Variants in PIK3R6 observed in about 807,000 individuals in gnomAD.
PIK3R6 encodes phosphoinositide-3-kinase regulatory subunit 6, also known as phosphoinositide 3-kinase regulatory subunit 6.
In PIK3R6, 91 loss-of-function variants were observed where a neutral mutation model predicts 84.9. The observed-to-expected ratio is 1.07, with a 90% CI of 0.90 to 1.28. The LOEUF is 1.28. Among genes scored for constraint, PIK3R6 ranks in the 50% most tolerant of loss-of-function variants. The pLI is 0.00. For synonymous variants in PIK3R6, 416 were observed against 411.4 expected, an observed-to-expected ratio of 1.01 and a Z score of -0.13; for missense variants, 996 against 985.1, an observed-to-expected ratio of 1.01 and a Z score of -0.15.
chr17:8,830,545 C>T (rs1156637140), intron 9 of PIK3R6, among the ~76,000 whole-genome samples: 1 of 152,174 alleles, frequency 6.6e-6, no homozygotes, highest in Non-Finnish European at 1.5e-5. Context: ...CACTGAGCAC[C>T]TACTGCCTGC....
chr17:8,821,870 C>T lies in PIK3R6; in HGVS notation c.1855G>A (p.Ala619Thr). The change falls in exon 17 of 20, where the codon GCC becomes ACC. Residue 619 changes from alanine to threonine, a missense_variant. Physicochemically the swap from Ala to Thr is moderately conservative, Grantham distance 58. Coordinates refer to ENST00000619866, the MANE Select transcript of PIK3R6 (RefSeq NM_001010855.4). The stretch of plus-strand genomic sequence containing the variant: ...CCTTCTGTGTCGCTGGCTGGAATGG[C>T]CTTCAGGATCAGCCCAGTGGCCCGC... ...SLRATGLILK[A>T]IPASDTEVSG... 3 of 1,597,056 alleles carry T rather than the reference C, an allele frequency of 1.9e-6. No homozygotes were observed. The highest frequency in any genetic ancestry group is 2.6e-6 in the Non-Finnish European group (3 of 1,171,664).
At chr17:8,829,105 A>G in intron 10 of PIK3R6, 115 bp from the exon 11 acceptor site, 1 of 1,004,032 alleles carries the variant, frequency 1.0e-6, no homozygotes, top group Non-Finnish European at 1.4e-6. Flanking sequence ...ACAGACACAT[A>G]AAGACACACA....
chr17:8,832,745 G>T, intron 9 of PIK3R6, 144 bp downstream of exon 9: 1 of 1,264,736 alleles, frequency 7.9e-7, no homozygotes, highest in Non-Finnish European at 1.1e-6. Context: ...AAACCCCCAG[G>T]CTGCCCCCAG....
chr17:8,826,906 C>T (rs746649280), intron 13 of PIK3R6, among the ~76,000 whole-genome samples: 13 of 152,266 alleles, frequency 8.5e-5, no homozygotes, highest in Non-Finnish European at 1.5e-4. Flanking sequence ...TCGTCTTTTC[C>T]ACGGTGGTCT....
At position 8,828,980 on chromosome 17, in the gene PIK3R6, C is replaced by T; in HGVS notation, c.900G>A (p.Leu300=). ...GGGATCTTGGGCGGAGGAAGAGCACCAGTTCCTTCCCTGGGGTGGGGGAAC... is the reference window on the plus strand; with the variant it reads ...GGGATCTTGGGCGGAGGAAGAGCACTAGTTCCTTCCCTGGGGTGGGGGAAC... ...WTGEEQLWKE[L]VLFLRPRSQL... is the part of the protein sequence containing the mutation. The change falls in exon 11 of 20, where the codon CTG becomes CTA. Residue 300 remains leucine (L), a synonymous_variant. Coordinates refer to ENST00000619866, the MANE Select transcript of PIK3R6 (RefSeq NM_001010855.4). 3.3e-6 allele frequency: 5 copies of T among 1,498,132 alleles called. No individual in the cohort carries two copies. The highest frequency in any genetic ancestry group is 4.4e-6 in the Non-Finnish European group (5 of 1,123,954). 92.8% of individuals were successfully genotyped at this position (1,498,132 alleles called of 1,614,324 possible).
At position 8,803,480 on chromosome 17, in the gene PIK3R6, G is replaced by A. The variant is rs1446904372; in HGVS notation, c.2109-51C>T. The A allele has an allele frequency of 3.3e-6, 5 of 1,529,260 alleles. No individual in the cohort carries two copies. The African/African-American group carries it at 6.9e-5, about 21-fold the overall frequency. The allele number at this position is 1,529,260 out of a possible 1,614,324, so 94.7% of individuals were successfully genotyped here. ...GGTGACCCATCTGAGGGATCAGATT[G>A]CCTAGGGCATTTGAAAGGCAGAGCT... On this transcript the variant is annotated intron_variant, in intron 19 of 19. Coordinates refer to ENST00000619866, the MANE Select transcript of PIK3R6 (RefSeq NM_001010855.4). This position sits in a 1 kb window ranked among gnomAD's most constrained non-coding sequence, Gnocchi z 5.0.
chr17:8,803,358 T>C lies in PIK3R6; in HGVS notation c.2180A>G (p.His727Arg), dbSNP rs1178332711. Residue 727 changes from histidine (H) to arginine (R), a missense_variant, in exon 20 of 20, where the codon CAT (histidine) becomes CGT (arginine). His to Arg is a conservative substitution (Grantham distance 29). Coordinates refer to ENST00000619866, the MANE Select transcript of PIK3R6 (RefSeq NM_001010855.4). The surrounding 1 kb of genome is among the most constrained non-coding windows in gnomAD (Gnocchi z 5.0). ...QKSKAPWLNL[H>R]GQQEVEAIKA... ...GATTGCTTCCACCTCCTGTTGCCCA[T>C]GCAAATTGAGCCACGGTGCCTTGGA... 4 of 1,613,504 alleles carry C rather than the reference T, an allele frequency of 2.5e-6. No homozygotes were observed. In the East Asian group the frequency reaches 6.7e-5, roughly 27 times the overall value.
At position 8,819,218 on chromosome 17, in the gene PIK3R6, C is replaced by T; in HGVS notation, c.1880-20G>A. 1.3e-6 allele frequency: 2 copies of T among 1,550,456 alleles called. No individual in the cohort carries two copies. The highest frequency in any genetic ancestry group is 8.8e-7 in the Non-Finnish European group (1 of 1,134,474). On this transcript the variant is annotated intron_variant, in intron 17 of 19. Coordinates refer to ENST00000619866, the MANE Select transcript of PIK3R6 (RefSeq NM_001010855.4). ...CTGAAACTGAATGAGATGGGTGGGG[C>T]TGTAAATGGACCTCCAGGGAAGTAG... is the stretch of plus-strand genomic sequence containing the variant.
intron 18 of PIK3R6, among the ~76,000 whole-genome samples, chr17:8,816,199 A>C (rs1445126941): frequency 1.3e-5 from 2 of 152,274 alleles, no homozygotes; most frequent in Non-Finnish European, 2.9e-5. Flanking sequence ...AAATATGTTT[A>C]GAATGAGTGA....
At chr17:8,832,452 G>T (rs1356981301) in intron 9 of PIK3R6, among the ~76,000 whole-genome samples, 4 of 134,968 alleles carry the variant, frequency 3.0e-5, no homozygotes, top group African/African-American at 1.1e-4. Flanking sequence ...GTGTGATCTC[G>T]GCTCACTGCA....
chr17:8,856,473 G>A (rs961737316), intron 1 of PIK3R6, among the ~76,000 whole-genome samples: 1 of 152,164 alleles, frequency 6.6e-6, no homozygotes, highest in Non-Finnish European at 1.5e-5. Context: ...ATGGTGGCAG[G>A]TGCCTGTAAT....
At position 8,862,613 on chromosome 17, in the gene PIK3R6, T is replaced by C. The variant is rs1040553487; in HGVS notation, c.-92+4916A>G. Among the ~76,000 whole-genome samples, 1 of 152,180 alleles carries C rather than the reference T, an allele frequency of 6.6e-6. No individual in the cohort carries two copies. Among genetic ancestry groups the C allele is most frequent in the African/African-American group, 2.4e-5 (1 of 41,430 alleles). On this transcript the variant is annotated intron_variant, in intron 1 of 19. Coordinates refer to ENST00000619866, the MANE Select transcript of PIK3R6 (RefSeq NM_001010855.4). The surrounding 1 kb of genome is among the most constrained non-coding windows in gnomAD (Gnocchi z 4.3). ...GTATCACGGACAGCTAAGGCTGCAA[T>C]GTTTGACTGCTGCTTTTGTGCCACA...
At chr17:8,829,385 GACAC>G (rs200014378) in intron 10 of PIK3R6, among the ~76,000 whole-genome samples, 3 of 138,744 alleles carry the variant, frequency 2.2e-5, no homozygotes, top group Non-Finnish European at 4.6e-5. Context: ...TACACACACT[GACAC>G]ACACGCATGC....
intron 9 of PIK3R6, among the ~76,000 whole-genome samples, chr17:8,832,101 A>G (rs1176052848): frequency 6.6e-6 from 1 of 152,250 alleles, no homozygotes; most frequent in Non-Finnish European, 1.5e-5. Context: ...GCAGCTGAGT[A>G]GTGAACTAGA....
At chr17:8,814,214 TC>T (rs1328077477) in intron 18 of PIK3R6, among the ~76,000 whole-genome samples, 29 of 124,262 alleles carry the variant, frequency 2.3e-4, no homozygotes, top group African/African-American at 9.7e-4. Flanking sequence ...CAGAGAGAGA[TC>T]TTTTTTTTTT....
At position 8,839,122 on chromosome 17, in the gene PIK3R6, C is replaced by T. The variant is rs1209384167; in HGVS notation, c.98-467G>A. On this transcript the variant is annotated intron_variant, in intron 3 of 19. Coordinates refer to ENST00000619866, the MANE Select transcript of PIK3R6 (RefSeq NM_001010855.4). The surrounding 1 kb of genome is among the most constrained non-coding windows in gnomAD (Gnocchi z 4.2). ...CAGCACTTTGGGAGGCTGAGACAGG[C>T]GGGTCACTTGCGGTCAGGAGTTCGA... Among the ~76,000 whole-genome samples the T allele has an allele frequency of 2.0e-5, 3 of 151,998 alleles. No homozygotes were observed. The highest frequency in any genetic ancestry group is 2.9e-5 in the Non-Finnish European group (2 of 67,984).
At chr17:8,848,226 TA>T (rs375651069) in intron 2 of PIK3R6, among the ~76,000 whole-genome samples, 7 of 152,270 alleles carry the variant, frequency 4.6e-5, no homozygotes, top group Admixed American at 6.5e-5. Context: ...GCCACATTTT[TA>T]AAAAATGAAA....
At chr17:8,833,108 G>C in intron 8 of PIK3R6, 63 bp from the exon 9 acceptor site, 21 of 1,479,334 alleles carry the variant, frequency 1.4e-5, no homozygotes, top group Non-Finnish European at 1.9e-5. Flanking sequence ...CAGCTCCTAA[G>C]CCAAGTCCGC....
Position 8,836,601 on chromosome 17 carries a change from C to T in PIK3R6, c.407G>A (p.Arg136Lys). 1 of 1,613,982 alleles carries T rather than the reference C, an allele frequency of 6.2e-7. No homozygotes were observed. The highest frequency in any genetic ancestry group is 1.7e-5 in the Admixed American group (1 of 60,006). The change falls in exon 7 of 20, where the codon AGG becomes AAG. Residue 136 changes from arginine (R) to lysine (K), a missense_variant. Arg to Lys is a conservative substitution (Grantham distance 26). Transcript: ENST00000619866. Reference protein sequence around the residue: ...EMAVPGTLYQRMVIAEQNLTN... With the variant: ...EMAVPGTLYQKMVIAEQNLTN... ...CAAGTTCTGTTCGGCAATGACCATC[C>T]TTTGGTACAGTGTCCCTGCAAACCA...
Sources: allele counts gnomAD v4.1 joint callset (sites outside exome capture counted in the v4.1 genomes callset), GRCh38; gene constraint gnomAD v4.1.1; non-coding constraint Gnocchi (gnomAD v3.1); transcripts MANE v1.5; gene names NCBI Gene and HGNC (gene_info 2026-07-23, HGNC 2026-07-21).